PXDNL: variants seen among roughly 807,000 people sequenced by gnomAD.
The protein encoded by PXDNL is probable oxidoreductase PXDNL.
PXDNL carries 145 observed loss-of-function variants against 150.8 expected under a neutral mutation model. That is an observed-to-expected ratio of 0.96 (90% CI 0.84 to 1.10). PXDNL has a LOEUF of 1.10. Among genes scored for constraint, PXDNL ranks in the 50% least tolerant of loss-of-function variants. The probability of loss-of-function intolerance (pLI) is 0.00; values close to 1 mark genes in which losing one functional copy is unlikely to be tolerated. For synonymous variants in PXDNL, 757 were observed against 725.7 expected, an observed-to-expected ratio of 1.04 and a Z score of -0.69; for missense variants, 2,087 against 1,873.9, an observed-to-expected ratio of 1.11 and a Z score of -2.10.
At chr8:51,599,505 C>T (rs1426174247) in intron 2 of PXDNL, among the ~76,000 whole-genome samples, 1 of 150,944 alleles carries the variant, frequency 6.6e-6, no homozygotes, top group Non-Finnish European at 1.5e-5. Flanking sequence ...TGTTTAATTT[C>T]CATGTAAGGG....
At chr8:51,375,612 T>A (rs1053284878) in intron 17 of PXDNL, among the ~76,000 whole-genome samples, 1 of 152,252 alleles carries the variant, frequency 6.6e-6, no homozygotes, top group African/African-American at 2.4e-5. Flanking sequence ...ATATTTGTAC[T>A]TTCTTCATTT....
At chr8:51,797,810 G>C (rs912694002) in intron 1 of PXDNL, among the ~76,000 whole-genome samples, 3 of 151,822 alleles carry the variant, frequency 2.0e-5, no homozygotes, top group African/African-American at 7.3e-5. Context: ...TCTTCACAGA[G>C]TTAGAAAAAA....
At chr8:51,353,101 CTCTT>C (rs1306147818) in intron 19 of PXDNL, among the ~76,000 whole-genome samples, 1 of 151,694 alleles carries the variant, frequency 6.6e-6, no homozygotes, top group African/African-American at 2.4e-5. Context: ...TCATTTTTCT[CTCTT>C]TGTCATTATT....
intron 1 of PXDNL, among the ~76,000 whole-genome samples, chr8:51,669,962 C>T (rs1040405959): frequency 6.6e-6 from 1 of 152,158 alleles, no homozygotes; most frequent in African/African-American, 2.4e-5. Flanking sequence ...TCAGGCTGAG[C>T]ACGGTGGCTC....
intron 2 of PXDNL, among the ~76,000 whole-genome samples, chr8:51,621,691 A>C (rs1381603309): frequency 6.6e-6 from 1 of 152,050 alleles, no homozygotes; most frequent in Non-Finnish European, 1.5e-5. Flanking sequence ...TGTAATCCCC[A>C]CACTTTGAGA....
At chr8:51,412,476 T>C (rs2130900659) in intron 15 of PXDNL, among the ~76,000 whole-genome samples, 1 of 152,270 alleles carries the variant, frequency 6.6e-6, no homozygotes, top group Middle Eastern at 3.4e-3. Flanking sequence ...TAAATCTAAA[T>C]CGGCTGCGTG....
chr8:51,446,105 G>C (rs1809666978), intron 12 of PXDNL, among the ~76,000 whole-genome samples: 2 of 152,074 alleles, frequency 1.3e-5, no homozygotes, highest in African/African-American at 4.8e-5. Context: ...ACCATATGTA[G>C]ACAGTAGCTC....
intron 1 of PXDNL, among the ~76,000 whole-genome samples, chr8:51,659,521 A>T (rs1815223741): frequency 6.6e-6 from 1 of 152,204 alleles, no homozygotes. Context: ...CAGATTGAGG[A>T]TGAAGAAAAG....
rs1296973449 is a variant in PXDNL, at chr8:51,577,996, A to G, written c.308+14631T>C. Reference sequence around the variant, plus strand: ...GAAAGAAAGAAAGAAAGAAAGAAAGAAAGAGGAAGGAAGGAAGGAAGGAAG... The same window carrying G: ...GAAAGAAAGAAAGAAAGAAAGAAAGGAAGAGGAAGGAAGGAAGGAAGGAAG... On this transcript the variant is annotated intron_variant, in intron 3 of 22. Transcript: ENST00000356297. Among the ~76,000 whole-genome samples the G allele has an allele frequency of 5.2e-3, 237 of 45,158 alleles. 1 individual carries two copies. The highest frequency in any genetic ancestry group is 0.014 in the Middle Eastern group (1 of 70). The allele number at this position is 45,158 out of a possible 152,430, so 29.6% of individuals were successfully genotyped here.
rs545557736 is a variant in PXDNL, at chr8:51,536,276, GA to G, written c.380+20563del. Among the ~76,000 whole-genome samples, 12 of 152,300 alleles carry G rather than the reference GA, an allele frequency of 7.9e-5. 1 individual carries two copies. The East Asian group carries it at 2.1e-3, about 27-fold the overall frequency. On this transcript the variant is annotated intron_variant, in intron 4 of 22. Coordinates refer to ENST00000356297, the MANE Select transcript of PXDNL (RefSeq NM_144651.5). ...AGGACACAGGAACTGGAAATGGAGA[GA>G]AAAAAACCTTGTACTAAGTCTGCAT... is the stretch of plus-strand genomic sequence containing the variant.
chr8:51,748,967 C>T (rs868838029), intron 1 of PXDNL, among the ~76,000 whole-genome samples: 1 of 152,100 alleles, frequency 6.6e-6, no homozygotes, highest in Non-Finnish European at 1.5e-5. Flanking sequence ...CCTTCAAGTT[C>T]CTTAGAGTTC....
chr8:51,579,193 T>C lies in PXDNL; in HGVS notation c.308+13434A>G, dbSNP rs2130621065. Reference sequence around the variant, plus strand: ...TAAGTTACAGACTGGAAGAAAATATTTGAAAAGTACATATCTGATAAAGGA... The same window carrying C: ...TAAGTTACAGACTGGAAGAAAATATCTGAAAAGTACATATCTGATAAAGGA... On this transcript the variant is annotated intron_variant, in intron 3 of 22. Coordinates refer to ENST00000356297, the MANE Select transcript of PXDNL (RefSeq NM_144651.5). 1.3e-5 allele frequency among the ~76,000 whole-genome samples: 2 copies of C among 152,070 alleles called. 1 individual carries two copies. The highest frequency in any genetic ancestry group is 6.8e-3 in the Middle Eastern group (2 of 294).
chr8:51,448,300 C>CT (rs1368468057), intron 11 of PXDNL, among the ~76,000 whole-genome samples: 1 of 152,226 alleles, frequency 6.6e-6, no homozygotes, highest in African/African-American at 2.4e-5. Context: ...ACCACCCACA[C>CT]TTCAGGAACA....
chr8:51,753,322 G>A (rs766264688), intron 1 of PXDNL, among the ~76,000 whole-genome samples: 3 of 152,266 alleles, frequency 2.0e-5, no homozygotes, highest in Non-Finnish European at 4.4e-5. Context: ...TGATTTCCCA[G>A]GTAGGAGATG....
At chr8:51,478,910 C>T (rs1378264954) in intron 6 of PXDNL, among the ~76,000 whole-genome samples, 5 of 152,194 alleles carry the variant, frequency 3.3e-5, no homozygotes, top group Non-Finnish European at 1.5e-5. Context: ...CTCAAATCAT[C>T]TGTATATCAG....
At chr8:51,396,789 CAAAT>C (rs1449136190) in intron 17 of PXDNL, among the ~76,000 whole-genome samples, 4 of 152,048 alleles carry the variant, frequency 2.6e-5, no homozygotes, top group African/African-American at 7.2e-5. Context: ...TAATAATAAA[CAAAT>C]AAACCATTCA....
chr8:51,702,691 A>C (rs1816281488), intron 1 of PXDNL, among the ~76,000 whole-genome samples: 1 of 152,186 alleles, frequency 6.6e-6, no homozygotes, highest in Admixed American at 6.6e-5. Flanking sequence ...TTCCACTGAT[A>C]GGAAGATTAA....
At chr8:51,425,920 A>G (rs1237778615) in intron 13 of PXDNL, among the ~76,000 whole-genome samples, 1 of 152,242 alleles carries the variant, frequency 6.6e-6, no homozygotes, top group African/African-American at 2.4e-5. Context: ...GACTTGCTAC[A>G]GCACAAAAGA....
chr8:51,373,338 G>T (rs960318280), intron 18 of PXDNL, among the ~76,000 whole-genome samples: 3 of 152,142 alleles, frequency 2.0e-5, no homozygotes, highest in Admixed American at 1.3e-4. Context: ...CTCCAGAATT[G>T]TAAGAATAAC....
Sources: allele counts gnomAD v4.1 joint callset (sites outside exome capture counted in the v4.1 genomes callset), GRCh38; gene constraint gnomAD v4.1.1; transcripts MANE v1.5; gene names NCBI Gene and HGNC (gene_info 2026-07-23, HGNC 2026-07-21).